ETNK2: variants seen among roughly 807,000 people sequenced by gnomAD.
ETNK2 encodes ethanolamine kinase 2, also known as ethanolamine kinase-like protein.
A neutral mutation model predicts 46.2 loss-of-function variants in ETNK2; 33 were observed. The ratio of observed to expected loss-of-function variants is 0.71; its 90% confidence interval spans 0.54 to 0.96. The LOEUF is 0.96. Among genes scored for constraint, ETNK2 ranks in the 40% least tolerant of loss-of-function variants. The pLI, the probability that ETNK2 is intolerant of heterozygous loss-of-function variation, is 0.00. For missense variants in ETNK2, 445 were observed against 509.7 expected (o/e 0.87, Z 1.22); for synonymous variants, 194 against 209.0 (o/e 0.93, Z 0.62).
rs1226152020 is a variant in ETNK2 at position 204,131,960 on chromosome 1, G to A, written c.*224C>T. 1.6e-5 allele frequency: 9 copies of A among 567,706 alleles called. No individual in the cohort carries two copies. Among genetic ancestry groups the A allele is most frequent in the Non-Finnish European group, 2.8e-5 (9 of 317,012 alleles). The allele number at this position is 567,706 out of a possible 1,614,324, so 35.2% of individuals were successfully genotyped here. ...CACTTCCTCCCAAGCCTGGTGGGGT[G>A]AAGGGGACCCCCGGAAGGGGGTCCT... On this transcript the variant is annotated 3_prime_UTR_variant, in exon 8 of 8. Transcript: ENST00000367202. The surrounding 1 kb of genome is among the most constrained non-coding windows in gnomAD (Gnocchi z 4.3).
chr1:204,144,960 T>C (rs914976283), intron 3 of ETNK2, among the ~76,000 whole-genome samples: 8 of 152,260 alleles, frequency 5.3e-5, no homozygotes, highest in Non-Finnish European at 4.4e-5. Context: ...TAGATGGCTC[T>C]TAAGCTCTTT....
In ETNK2 at chr1:204,151,581, G is replaced by T; in HGVS notation, c.258+14C>A. ...GGCAGGACCCCATCCTCGGCCCCGC[G>T]CCCACTCCGCTACCTTGGTCCGAAC... is the stretch of plus-strand genomic sequence containing the variant. On this transcript the variant is annotated intron_variant, in intron 1 of 7. Coordinates refer to ENST00000367202, the MANE Select transcript of ETNK2 (RefSeq NM_018208.4). The surrounding 1 kb of genome is among the most constrained non-coding windows in gnomAD (Gnocchi z 8.0). 6.5e-7 allele frequency: 1 copy of T among 1,548,502 alleles called. No homozygotes were observed. The highest frequency in any genetic ancestry group is 8.7e-7 in the Non-Finnish European group (1 of 1,146,014).
intron 2 of ETNK2, among the ~76,000 whole-genome samples, chr1:204,148,711 G>C (rs536159386): frequency 4.2e-4 from 64 of 152,300 alleles, no homozygotes; most frequent in African/African-American, 1.3e-3. Context: ...CCTGCAGAAG[G>C]CATGCACAAA....
chr1:204,135,858 T>A (rs1320453470), intron 6 of ETNK2, among the ~76,000 whole-genome samples: 1 of 152,232 alleles, frequency 6.6e-6, no homozygotes, highest in African/African-American at 2.4e-5. Context: ...CTGACTTGTC[T>A]TCTTACTTCT....
chr1:204,139,402 C>T (rs1483716993), intron 5 of ETNK2, among the ~76,000 whole-genome samples: 1 of 152,150 alleles, frequency 6.6e-6, no homozygotes, highest in Non-Finnish European at 1.5e-5. Context: ...GGGTCTTTTT[C>T]TAATTCATGT....
At chr1:204,140,966 C>A (rs1571619794) in intron 4 of ETNK2, 1 of 360,742 alleles carries the variant, frequency 2.8e-6, no homozygotes, top group Non-Finnish European at 5.4e-6. Context: ...AGGACTATAG[C>A]ATGTACCACC....
At chr1:204,140,883 C>T (rs2102290149) in intron 4 of ETNK2, 2 of 307,896 alleles carry the variant, frequency 6.5e-6, no homozygotes, top group South Asian at 2.9e-5. Flanking sequence ...AGTGTAGTGG[C>T]TCCATCATGG....
At chr1:204,147,340 C>G (rs573799020) in intron 2 of ETNK2, 7 of 458,842 alleles carry the variant, frequency 1.5e-5, no homozygotes, top group Non-Finnish European at 2.7e-5. Flanking sequence ...GTGCCAAGGC[C>G]GCAAAACAAG....
chr1:204,140,189 C>A, intron 4 of ETNK2, 71 bp from the exon 5 acceptor site: 3 of 1,327,144 alleles, frequency 2.3e-6, no homozygotes, highest in Non-Finnish European at 3.3e-6. Flanking sequence ...CAAGCTTCCA[C>A]AGACCTCTGG....
At chr1:204,137,894 C>T (rs1657352285) in intron 5 of ETNK2, among the ~76,000 whole-genome samples, 1 of 152,132 alleles carries the variant, frequency 6.6e-6, no homozygotes, top group Non-Finnish European at 1.5e-5. Flanking sequence ...CATAGCCCTC[C>T]AGCTGCCAGC....
intron 7 of ETNK2, among the ~76,000 whole-genome samples, chr1:204,133,986 G>A (rs1371114738): frequency 6.6e-6 from 1 of 152,220 alleles, no homozygotes; most frequent in Non-Finnish European, 1.5e-5. Context: ...GTACATAGGA[G>A]CCTCACAGGA....
chr1:204,146,613 C>A, intron 3 of ETNK2, 29 bp downstream of exon 3: 1 of 1,612,824 alleles, frequency 6.2e-7, no homozygotes, highest in Non-Finnish European at 8.5e-7. Flanking sequence ...CATATTAAGG[C>A]AGCCTTGGAC....
In ETNK2 at chr1:204,141,410, G is replaced by A. The variant is rs1314930578; in HGVS notation, c.689C>T (p.Ala230Val). The A allele has an allele frequency of 9.3e-6, 15 of 1,611,894 alleles. No homozygotes were observed. The highest frequency in any genetic ancestry group is 1.3e-5 in the Non-Finnish European group (15 of 1,178,948). Reference protein sequence around the residue: ...PKVEVLERELAWLKEHLSQLE... With the variant: ...PKVEVLERELVWLKEHLSQLE... ...CTGGGACAGATGCTCCTTCAGCCAGGCCAGCTCCCGTTCCAACACCTCTAC... is the reference window on the plus strand; with the variant it reads ...CTGGGACAGATGCTCCTTCAGCCAGACCAGCTCCCGTTCCAACACCTCTAC... Residue 230 changes from alanine (A) to valine (V), a missense_variant, in exon 4 of 8, where the codon GCC becomes GTC. By Grantham distance (64) the Ala-to-Val change is moderately conservative. Transcript: ENST00000367202.
Position 204,146,680 on chromosome 1 carries a change from G to A in ETNK2, c.603C>T (p.His201=), listed in dbSNP as rs765374787. The change falls in exon 3 of 8, where the codon CAC becomes CAT. Residue 201 remains histidine (H), a synonymous_variant. Transcript: ENST00000367202. ...LPKPILWHKM[H]NYFTLVKNEI... Reference sequence around the variant, plus strand: ...CGTTCTTCACAAGCGTGAAATAATTGTGCATCTTGTGCCAGAGGATGGGCT... The same window carrying A: ...CGTTCTTCACAAGCGTGAAATAATTATGCATCTTGTGCCAGAGGATGGGCT... The A allele has an allele frequency of 6.2e-7, 1 of 1,614,038 alleles. No individual in the cohort carries two copies. The highest frequency in any genetic ancestry group is 8.5e-7 in the Non-Finnish European group (1 of 1,179,898).
intron 3 of ETNK2, among the ~76,000 whole-genome samples, chr1:204,144,884 C>A (rs1275802839): frequency 1.3e-5 from 2 of 152,312 alleles, no homozygotes; most frequent in East Asian, 3.9e-4. Context: ...GGTTCTTCCA[C>A]CCCCAGCATA....
chr1:204,135,820 C>G (rs539458138), intron 6 of ETNK2, among the ~76,000 whole-genome samples: 5 of 152,312 alleles, frequency 3.3e-5, no homozygotes, highest in African/African-American at 7.2e-5. Context: ...GTATTTAGCT[C>G]TCTTCTGTAC....
intron 3 of ETNK2, 145 bp from the exon 4 acceptor site, chr1:204,141,602 C>G: frequency 1.2e-6 from 1 of 821,728 alleles, no homozygotes; most frequent in South Asian, 1.8e-5. Flanking sequence ...TAGACCCTCA[C>G]TTTTATCATC....
chr1:204,141,406 C>G lies in ETNK2; in HGVS notation c.693G>C (p.Trp231Cys), dbSNP rs1657528062. The G allele has an allele frequency of 6.2e-7, 1 of 1,612,682 alleles. No individual in the cohort carries two copies. The highest frequency in any genetic ancestry group is 8.5e-7 in the Non-Finnish European group (1 of 1,179,328). ...CCAGCTGGGACAGATGCTCCTTCAGCCAGGCCAGCTCCCGTTCCAACACCT... is the reference window on the plus strand; with the variant it reads ...CCAGCTGGGACAGATGCTCCTTCAGGCAGGCCAGCTCCCGTTCCAACACCT... ...KVEVLERELA[W>C]LKEHLSQLES... is the part of the protein sequence containing the mutation. The change falls in exon 4 of 8, where the codon TGG becomes TGC. Residue 231 changes from tryptophan (W) to cysteine (C), a missense_variant. Physicochemically the swap from Trp to Cys is radical, Grantham distance 215 (BLOSUM62 -2). Transcript: ENST00000367202.
In ETNK2 at chr1:204,140,097, T is replaced by C. The variant is rs923192748; in HGVS notation, c.806A>G (p.Tyr269Cys). ...TTGGTAGTTGTAGCCAGCATATTCA[T>C]AGTCAATGAACCGCACGTGACCTAT... ...SIKGHVRFID[Y>C]EYAGYNYQAF... Residue 269 changes from tyrosine to cysteine, a missense_variant, in exon 5 of 8, where the codon TAT (tyrosine) becomes TGT (cysteine). By Grantham distance (194) the Tyr-to-Cys change is radical. Coordinates refer to ENST00000367202, the MANE Select transcript of ETNK2 (RefSeq NM_018208.4). 1.2e-6 allele frequency: 2 copies of C among 1,613,778 alleles called. No individual in the cohort carries two copies. The highest frequency in any genetic ancestry group is 1.7e-5 in the Admixed American group (1 of 59,996).
Sources: allele counts gnomAD v4.1 joint callset (sites outside exome capture counted in the v4.1 genomes callset), GRCh38; gene constraint gnomAD v4.1.1; non-coding constraint Gnocchi (gnomAD v3.1); transcripts MANE v1.5; gene names NCBI Gene and HGNC (gene_info 2026-07-23, HGNC 2026-07-21).